Variants in TNRC6B observed in about 807,000 individuals in gnomAD.
The protein encoded by TNRC6B is trinucleotide repeat-containing gene 6B protein.
Under a neutral mutation model 203.6 loss-of-function variants are expected in TNRC6B, and 52 were observed. The ratio of observed to expected loss-of-function variants is 0.26; its 90% confidence interval spans 0.20 to 0.32. The LOEUF (loss-of-function observed/expected upper bound fraction) is 0.32, where lower values mean the gene tolerates loss of function less well. TNRC6B is among the 10% of genes least tolerant of loss of function. TNRC6B has a pLI of 1.00. For missense variants in TNRC6B, 1,923 were observed against 2,286.2 expected (o/e 0.84, Z 3.24); for synonymous variants, 838 against 845.7 (o/e 0.99, Z 0.16).
chr22:40,266,587 G>T lies in TNRC6B; in HGVS notation c.2357G>T (p.Gly786Val), dbSNP rs1383052771. 6.2e-7 allele frequency: 1 copy of T among 1,613,096 alleles called. No homozygotes were observed. The highest frequency in any genetic ancestry group is 1.7e-5 in the Admixed American group (1 of 59,934). Residue 786 changes from glycine to valine, a missense_variant, in exon 5 of 23, where the codon GGT becomes GTT. Coordinates refer to ENST00000454349, the MANE Select transcript of TNRC6B (RefSeq NM_001162501.2). ...GQNEIGTWGN[G>V]GNASLASKGG... ...AATGAAATCGGGACTTGGGGTAATG[G>T]TGGCAATGCAAGCCTAGCTTCAAAA...
At chr22:40,086,150 C>T (rs968513450) in intron 1 of TNRC6B, among the ~76,000 whole-genome samples, 4 of 152,164 alleles carry the variant, frequency 2.6e-5, no homozygotes, top group African/African-American at 9.7e-5. Context: ...GGATTACAGG[C>T]ATGAGCCACC....
At position 40,107,039 on chromosome 22, in the gene TNRC6B, C is replaced by T. The variant is rs557258860; in HGVS notation, c.-120-10016C>T. ...GGATTTCTGGCACAGCAGGAACCTT[C>T]TTCTTCTTCTTTTCTACACCCTCCG... On this transcript the variant is annotated intron_variant, in intron 1 of 23. Coordinates refer to the TNRC6B transcript ENST00000301923. 206 of 971,648 alleles carry T rather than the reference C, an allele frequency of 2.1e-4. 1 individual carries two copies. The South Asian group carries it at 2.7e-3, about 13-fold the overall frequency. The allele number at this position is 971,648 out of a possible 1,614,324, so 60.2% of individuals were successfully genotyped here. A position where few individuals can be genotyped will look rare whatever the true frequency, so the allele number is the denominator to read the frequency against.
In TNRC6B at chr22:40,122,035, C is replaced by T. The variant is rs567529840; in HGVS notation, c.-46-3737C>T. 7.2e-5 allele frequency among the ~76,000 whole-genome samples: 11 copies of T among 152,302 alleles called. No individual in the cohort carries two copies. The South Asian group carries it at 2.3e-3, about 32-fold the overall frequency. ...GCCTTAACAGAAGCCTCAAAAATGC[C>T]ACATGTATTTTACTCCCTTGAATTT... On this transcript the variant is annotated intron_variant, in intron 2 of 23. Coordinates refer to the TNRC6B transcript ENST00000301923.
upstream of TNRC6B, among the ~76,000 whole-genome samples, chr22:40,175,272 G>A (rs1175814688): frequency 2.0e-5 from 3 of 151,968 alleles, no homozygotes; most frequent in Non-Finnish European, 2.9e-5. Flanking sequence ...CAGGAGAATC[G>A]CTTGAACCCA....
chr22:40,141,876 G>A (rs997885490), intron 3 of TNRC6B, among the ~76,000 whole-genome samples: 5 of 151,890 alleles, frequency 3.3e-5, no homozygotes, highest in Non-Finnish European at 7.4e-5. Flanking sequence ...CCAGGTTCAC[G>A]CCATTCTCCT....
chr22:40,300,584 T>C lies in TNRC6B; in HGVS notation c.3838T>C (p.Leu1280=). The C allele has an allele frequency of 6.2e-7, 1 of 1,603,926 alleles. No homozygotes were observed. Among genetic ancestry groups the C allele is most frequent in the Non-Finnish European group, 8.5e-7 (1 of 1,177,260 alleles). The change falls in exon 13 of 23, where the codon TTG becomes CTG. Residue 1280 remains leucine (L), a splice_region_variant and synonymous_variant. Transcript: ENST00000454349. ...SQLPQIPQFQ[L]ACQLLLQQQQ... ...GCTTCCACAAATTCCCCAGTTTCAG[T>C]TGGTAAGTAGAAGATTTTCTTCCTG... is the stretch of plus-strand genomic sequence containing the variant.
Position 40,280,126 on chromosome 22 carries a change from G to A in TNRC6B, c.3394G>A (p.Gly1132Arg). ...CAAAGACATGGGAACCACAGATAGT[G>A]GGCCTTATTTTGAGAAGGTGAGTTG... ...NSKDMGTTDS[G>R]PYFEKLTLPF... The change falls in exon 10 of 23, where the codon GGG becomes AGG. Residue 1132 changes from glycine to arginine, a missense_variant. Coordinates refer to ENST00000454349, the MANE Select transcript of TNRC6B (RefSeq NM_001162501.2). 3.1e-6 allele frequency: 5 copies of A among 1,613,186 alleles called. No individual in the cohort carries two copies. The highest frequency in any genetic ancestry group is 4.2e-6 in the Non-Finnish European group (5 of 1,179,366).
In TNRC6B at chr22:40,266,052, T is replaced by C. The variant is rs2070474504; in HGVS notation, c.1822T>C (p.Leu608=). Residue 608 remains leucine, a synonymous_variant, in exon 5 of 23, where the codon TTG becomes CTG. Transcript: ENST00000454349. ...PDCQAVLQTL[L]SRTDLDPRVL... ...TTGTCAGGCTGTCTTGCAGACTCTT[T>C]TGAGCCGAACTGATTTGGACCCCAG... 3.1e-6 allele frequency: 5 copies of C among 1,613,720 alleles called. No homozygotes were observed. In the East Asian group the frequency reaches 8.9e-5, roughly 29 times the overall value.
intron 3 of TNRC6B, among the ~76,000 whole-genome samples, chr22:40,154,870 TATATATATATATATATATATATATAC>T (rs1400070878): frequency 1.1e-3 from 39 of 37,140 alleles, no homozygotes; most frequent in African/African-American, 2.8e-3. Context: ...AATATATATA[TATATATATATATATATATATATATAC>T]ATATATATAT....
intron 7 of TNRC6B, among the ~76,000 whole-genome samples, chr22:40,276,551 G>A (rs1465331783): frequency 6.6e-6 from 1 of 152,152 alleles, no homozygotes; most frequent in Non-Finnish European, 1.5e-5. Flanking sequence ...CTTTGCCCAG[G>A]AGATCAGCAA....
intron 1 of TNRC6B, among the ~76,000 whole-genome samples, chr22:40,232,142 G>A (rs2069880560): frequency 6.6e-6 from 1 of 152,172 alleles, no homozygotes; most frequent in Non-Finnish European, 1.5e-5. Context: ...TGAAAAAACA[G>A]GAGTGTTAGG....
chr22:40,277,032 G>A, intron 7 of TNRC6B, 45 bp from the exon 8 acceptor site: 2 of 1,491,922 alleles, frequency 1.3e-6, no homozygotes, highest in African/African-American at 1.4e-5. Context: ...TCAGGAGGCT[G>A]AAATAAATTA....
At chr22:40,072,390 T>C (rs1223091270) in intron 1 of TNRC6B, among the ~76,000 whole-genome samples, 2 of 152,194 alleles carry the variant, frequency 1.3e-5, no homozygotes, top group Non-Finnish European at 2.9e-5. Context: ...GTCATCCTAC[T>C]AATTATTCCC....
At chr22:40,226,352 A>G (rs2069785254) in intron 1 of TNRC6B, among the ~76,000 whole-genome samples, 2 of 152,150 alleles carry the variant, frequency 1.3e-5, no homozygotes, top group African/African-American at 4.8e-5. Context: ...AAGTGTCACA[A>G]ATAGCACCCT....
At chr22:40,312,455 A>ATT in intron 17 of TNRC6B, 50 bp from the exon 18 acceptor site, 2 of 1,449,058 alleles carry the variant, frequency 1.4e-6, no homozygotes, top group Non-Finnish European at 1.9e-6. Flanking sequence ...GTACTATATC[A>ATT]TTTTTTTTTA....
intron 2 of TNRC6B, among the ~76,000 whole-genome samples, chr22:40,125,345 C>A (rs762290967): frequency 2.0e-5 from 3 of 152,162 alleles, no homozygotes; most frequent in African/African-American, 7.2e-5. Flanking sequence ...GGAAACCCTG[C>A]CAATTCCAAT....
rs560243128 is a variant in TNRC6B, at chr22:40,262,227, TG to T, written c.457+55del. The stretch of plus-strand genomic sequence containing the variant: ...GCAGCTTGACAGAGAGAGAGCACTT[TG>T]TTTGCATTGCTTGATGTAAAGTCCA... On this transcript the variant is annotated intron_variant, in intron 4 of 22. Coordinates refer to ENST00000454349, the MANE Select transcript of TNRC6B (RefSeq NM_001162501.2). 533 of 1,323,536 alleles carry T rather than the reference TG, an allele frequency of 4.0e-4. 2 individuals carry two copies. The African/African-American group carries it at 7.3e-3, about 18-fold the overall frequency. 82.0% of individuals were successfully genotyped at this position (1,323,536 alleles called of 1,614,324 possible).
intron 1 of TNRC6B, among the ~76,000 whole-genome samples, chr22:40,114,591 G>GT (rs1427332773): frequency 6.6e-6 from 1 of 152,168 alleles, no homozygotes; most frequent in African/African-American, 2.4e-5. Flanking sequence ...TCAAAGTGAA[G>GT]TGCTAGGATT....
At chr22:40,144,674 C>CG (rs1459283098) in intron 3 of TNRC6B, among the ~76,000 whole-genome samples, 5 of 97,808 alleles carry the variant, frequency 5.1e-5, no homozygotes, top group African/African-American at 1.2e-4. Context: ...GACTCCGTCT[C>CG]GGAAAAAAAA....
Sources: allele counts gnomAD v4.1 joint callset (sites outside exome capture counted in the v4.1 genomes callset), GRCh38; gene constraint gnomAD v4.1.1; transcripts MANE v1.5; gene names NCBI Gene and HGNC (gene_info 2026-07-23, HGNC 2026-07-21).